RAPGEF4: variants seen among roughly 807,000 people sequenced by gnomAD.
RAPGEF4 encodes the protein Rap guanine nucleotide exchange factor 4.
RAPGEF4 carries 66 observed loss-of-function variants against 147.9 expected under a neutral mutation model. That is an observed-to-expected ratio of 0.45 (90% CI 0.37 to 0.55). The LOEUF is 0.55. Ranked by LOEUF, RAPGEF4 falls within the 20% of genes least tolerant of loss-of-function variation. RAPGEF4 has a pLI of 0.00. For synonymous variants in RAPGEF4, 419 were observed against 442.7 expected, an observed-to-expected ratio of 0.95 and a Z score of 0.67; for missense variants, 1,071 against 1,257.3, an observed-to-expected ratio of 0.85 and a Z score of 2.24.
At chr2:172,873,013 A>G (rs1476488291) in intron 4 of RAPGEF4, among the ~76,000 whole-genome samples, 1 of 152,204 alleles carries the variant, frequency 6.6e-6, no homozygotes, top group Non-Finnish European at 1.5e-5. Context: ...AGTCAAATGC[A>G]ATTGATTGTT....
chr2:172,819,835 CAGTA>C (rs1348618276), intron 4 of RAPGEF4, among the ~76,000 whole-genome samples: 1 of 152,112 alleles, frequency 6.6e-6, no homozygotes. Context: ...TTTCTACCCT[CAGTA>C]AGGAAGTTAA....
At chr2:173,044,540 TC>T (rs1464941192) in intron 29 of RAPGEF4, among the ~76,000 whole-genome samples, 4 of 152,170 alleles carry the variant, frequency 2.6e-5, no homozygotes, top group African/African-American at 2.4e-5. Context: ...TTTCTGCACT[TC>T]CCTCCTCGAG....
chr2:172,795,110 C>G lies in RAPGEF4; in HGVS notation c.151C>G (p.Leu51Val), dbSNP rs772149169. The change falls in exon 2 of 31, where the codon CTC becomes GTC. Residue 51 changes from leucine to valine, a missense_variant. By Grantham distance (32) the Leu-to-Val change is conservative. Coordinates refer to ENST00000397081, the MANE Select transcript of RAPGEF4 (RefSeq NM_007023.4). ...VKAFEKFHPN[L>V]LHQICLCGYY... ...AGCTTTTGAGAAATTTCACCCAAAT[C>G]TCCTTCATCAGATTTGCTTATGTGG... is the stretch of plus-strand genomic sequence containing the variant. The G allele has an allele frequency of 9.3e-6, 15 of 1,612,970 alleles. No individual in the cohort carries two copies. Among genetic ancestry groups the G allele is most frequent in the Non-Finnish European group, 1.3e-5 (15 of 1,178,980 alleles).
At position 172,841,791 on chromosome 2, in the gene RAPGEF4, A is replaced by AACACACACACACACACACACAC. The variant is rs3064818; in HGVS notation, c.444+27371_444+27392dup. On this transcript the variant is annotated intron_variant, in intron 4 of 30. Coordinates refer to ENST00000397081, the MANE Select transcript of RAPGEF4 (RefSeq NM_007023.4). The stretch of plus-strand genomic sequence containing the variant: ...ATCCAAATCTACATGTTGGCTGAAT[A>AACACACACACACACACACACAC]ACACACACACACACACACACACACA... Among the ~76,000 whole-genome samples the AACACACACACACACACACACAC allele has an allele frequency of 5.0e-4, 73 of 147,090 alleles. 1 individual carries two copies. Among genetic ancestry groups the AACACACACACACACACACACAC allele is most frequent in the East Asian group, 3.2e-3 (16 of 4,968 alleles).
chr2:172,805,255 G>C (rs963822273), intron 3 of RAPGEF4, among the ~76,000 whole-genome samples: 14 of 152,112 alleles, frequency 9.2e-5, no homozygotes, highest in Non-Finnish European at 4.4e-5. Context: ...TCTGCCTCTC[G>C]GAGACCCTCC....
intron 1 of RAPGEF4, among the ~76,000 whole-genome samples, chr2:172,746,617 TC>T (rs1281878295): frequency 9.9e-5 from 15 of 151,712 alleles, no homozygotes; most frequent in Non-Finnish European, 1.5e-4. Flanking sequence ...ATTACTTTTT[TC>T]TTTTTTTTTT....
intron 10 of RAPGEF4, among the ~76,000 whole-genome samples, chr2:172,973,172 G>A (rs938788134): frequency 2.8e-4 from 43 of 151,326 alleles, no homozygotes; most frequent in Middle Eastern, 6.8e-3. Flanking sequence ...GAGTGCAGTG[G>A]GGTGATCTCA....
At chr2:172,966,257 T>G (rs1032177190) in intron 9 of RAPGEF4, among the ~76,000 whole-genome samples, 5 of 152,228 alleles carry the variant, frequency 3.3e-5, no homozygotes, top group Non-Finnish European at 5.9e-5. Flanking sequence ...CAAACTCTTA[T>G]GCCATTTGTT....
chr2:172,886,961 G>T (rs1697300839), intron 4 of RAPGEF4, among the ~76,000 whole-genome samples: 1 of 152,160 alleles, frequency 6.6e-6, no homozygotes, highest in African/African-American at 2.4e-5. Context: ...GCCAAGGCGG[G>T]TGGATCACCT....
chr2:173,005,520 G>GTGTTT (rs780856305), intron 17 of RAPGEF4, among the ~76,000 whole-genome samples: 1 of 86,736 alleles, frequency 1.2e-5, no homozygotes, highest in Non-Finnish European at 2.1e-5. Context: ...GTTGTTTTGT[G>GTGTTT]TTTTTTTTTT....
intron 29 of RAPGEF4, among the ~76,000 whole-genome samples, chr2:173,041,478 C>G (rs1293879046): frequency 6.6e-6 from 1 of 152,020 alleles, no homozygotes; most frequent in Non-Finnish European, 1.5e-5. Flanking sequence ...ATATAAACAT[C>G]TAGAAAGTAA....
rs779458575 is a variant in RAPGEF4 at position 172,814,446 on chromosome 2, G to C, written c.444+21G>C. 5.6e-6 allele frequency: 9 copies of C among 1,613,432 alleles called. No individual in the cohort carries two copies. In the South Asian group the frequency reaches 8.8e-5, roughly 16 times the overall value. On this transcript the variant is annotated intron_variant, in intron 4 of 30. Coordinates refer to ENST00000397081, the MANE Select transcript of RAPGEF4 (RefSeq NM_007023.4). ...GGGAGGTGAGCCCTAAGGCTTCTTT[G>C]TCAATTAATGCAGTTTCAGAAAAGA...
chr2:173,051,824 C>A lies in RAPGEF4; in HGVS notation c.*57C>A. 6.3e-7 allele frequency: 1 copy of A among 1,585,682 alleles called. No individual in the cohort carries two copies. The highest frequency in any genetic ancestry group is 2.2e-5 in the East Asian group (1 of 44,542). ...TCCAGTCCACAATCTTTCAAAAATG[C>A]CATTTATGCTACTACTGACTGTATT... is the stretch of plus-strand genomic sequence containing the variant. On this transcript the variant is annotated 3_prime_UTR_variant, in exon 31 of 31. Coordinates refer to ENST00000397081, the MANE Select transcript of RAPGEF4 (RefSeq NM_007023.4).
chr2:172,739,796 C>T (rs554263678), intron 1 of RAPGEF4, among the ~76,000 whole-genome samples: 6 of 152,192 alleles, frequency 3.9e-5, no homozygotes, highest in Non-Finnish European at 7.3e-5. Context: ...GGGACAGGGA[C>T]CATACACATT....
At chr2:172,970,637 A>G (rs1690373062) in intron 10 of RAPGEF4, among the ~76,000 whole-genome samples, 1 of 149,392 alleles carries the variant, frequency 6.7e-6, no homozygotes. Context: ...CTTGCTAGCA[A>G]AAAAAAAAAG....
At chr2:172,844,201 A>G (rs1482705777) in intron 4 of RAPGEF4, among the ~76,000 whole-genome samples, 2 of 152,126 alleles carry the variant, frequency 1.3e-5, no homozygotes, top group Admixed American at 1.3e-4. Flanking sequence ...AACAAGCACA[A>G]TCTCCCAAGG....
Position 172,986,698 on chromosome 2 carries a change from C to CCT in RAPGEF4, c.1150+1205_1150+1206insCT, listed in dbSNP as rs761936646. 8.8e-4 allele frequency among the ~76,000 whole-genome samples: 88 copies of CCT among 100,362 alleles called. 1 individual carries two copies. Among genetic ancestry groups the CCT allele is most frequent in the Non-Finnish European group, 1.2e-3 (52 of 43,162 alleles). The allele number at this position is 100,362 out of a possible 152,430, so 65.8% of individuals were successfully genotyped here. A position where few individuals can be genotyped will look rare whatever the true frequency, so the allele number is the denominator to read the frequency against. Reference sequence around the variant, plus strand: ...TAACATGCCATTTTTTTCATATTTTCTTTTTTTTTTTTTGAGACGGAGTCT... The same window carrying CCT: ...TAACATGCCATTTTTTTCATATTTTCCTTTTTTTTTTTTTTGAGACGGAGTCT... On this transcript the variant is annotated intron_variant, in intron 12 of 30. Coordinates refer to ENST00000397081, the MANE Select transcript of RAPGEF4 (RefSeq NM_007023.4).
chr2:172,855,924 G>A (rs1251971192), intron 4 of RAPGEF4, among the ~76,000 whole-genome samples: 1 of 151,964 alleles, frequency 6.6e-6, no homozygotes. Context: ...ATGTGCCTTG[G>A]CATGGGTCTT....
chr2:173,047,678 C>CTT (rs201627058), intron 29 of RAPGEF4, among the ~76,000 whole-genome samples: 1 of 145,958 alleles, frequency 6.9e-6, no homozygotes, highest in Non-Finnish European at 1.5e-5. Context: ...TTCTGAATTT[C>CTT]TTTTTTTTTT....
Sources: gnomAD v4.1 joint callset for allele counts (sites outside exome capture counted in the v4.1 genomes callset) on GRCh38, gnomAD v4.1.1 for gene constraint, MANE v1.5 for transcripts, NCBI Gene and HGNC (gene_info 2026-07-23, HGNC 2026-07-21) for gene names.